The following EXOC8 variants were observed in gnomAD, a reference collection of about 807,000 sequenced individuals.
The protein encoded by EXOC8 is exocyst complex 84 kDa subunit.
EXOC8 carries 19 observed loss-of-function variants against 50.8 expected under a neutral mutation model. That is an observed-to-expected ratio of 0.37 (90% CI 0.26 to 0.55). EXOC8 has a LOEUF of 0.55. EXOC8 is among the 20% of genes least tolerant of loss of function. The pLI, the probability that EXOC8 is intolerant of heterozygous loss-of-function variation, is 0.80. For synonymous variants in EXOC8, 384 were observed against 367.9 expected, an observed-to-expected ratio of 1.04 and a Z score of -0.50; for missense variants, 781 against 915.8, an observed-to-expected ratio of 0.85 and a Z score of 1.90.
In EXOC8 at chr1:231,336,296, CGCTGTCAGTGCCTGCA is replaced by C; in HGVS notation, c.1434_1449del (p.Phe478LeufsTer40). 6.2e-7 allele frequency: 1 copy of C among 1,614,072 alleles called. No individual in the cohort carries two copies. Among genetic ancestry groups the C allele is most frequent in the Non-Finnish European group, 8.5e-7 (1 of 1,180,010 alleles). The stretch of plus-strand genomic sequence containing the variant: ...CAGACCACAAAGGCAGAGTAGCAGC[CGCTGTCAGTGCCTGCA>C]AAATCGATCTCAAATTCTCTTGCAG... On this transcript the variant is annotated frameshift_variant, in exon 1 of 1. Coordinates refer to ENST00000366645, the MANE Select transcript of EXOC8 (RefSeq NM_175876.5). LOFTEE classifies it high-confidence loss of function. The surrounding 1 kb of genome is among the most constrained non-coding windows in gnomAD (Gnocchi z 5.4).
In EXOC8 at chr1:231,337,820, C is replaced by A. The variant is rs1686722236; in HGVS notation, c.-75G>T. The A allele has an allele frequency of 1.3e-6, 2 of 1,506,634 alleles. No individual in the cohort carries two copies. The highest frequency in any genetic ancestry group is 2.7e-5 in the South Asian group (2 of 74,992). The allele number at this position is 1,506,634 out of a possible 1,614,324, so 93.3% of individuals were successfully genotyped here. A position where few individuals can be genotyped will look rare whatever the true frequency, so the allele number is the denominator to read the frequency against. On this transcript the variant is annotated 5_prime_UTR_variant, in exon 1 of 1. Coordinates refer to ENST00000366645, the MANE Select transcript of EXOC8 (RefSeq NM_175876.5). The surrounding 1 kb of genome is among the most constrained non-coding windows in gnomAD (Gnocchi z 5.9). ...CGCGGCTGTCTAGACCCACCCAAGG[C>A]CAACCGAGCTCCTGGGCTGAGGAAG... is the stretch of plus-strand genomic sequence containing the variant.
Position 231,337,036 on chromosome 1 carries a change from G to A in EXOC8, c.710C>T (p.Ala237Val), listed in dbSNP as rs754517833. 3 of 1,613,938 alleles carry A rather than the reference G, an allele frequency of 1.9e-6. No homozygotes were observed. Among genetic ancestry groups the A allele is most frequent in the Non-Finnish European group, 2.5e-6 (3 of 1,180,038 alleles). ...YNALYSLDGLAVVNVKDNPPM... is the reference protein window; with the variant it reads ...YNALYSLDGLVVVNVKDNPPM... ...CGGGTTGTCCTTGACATTGACTACG[G>A]CCAAACCATCTAGGGAATAGAGAGC... is the stretch of plus-strand genomic sequence containing the variant. Residue 237 changes from alanine to valine, a missense_variant, in exon 1 of 1, where the codon GCC becomes GTC. This residue lies in a region of EXOC8 where 700 missense variants were observed against 804.1 expected (regional missense o/e 0.87). Transcript: ENST00000366645. This position sits in a 1 kb window ranked among gnomAD's most constrained non-coding sequence, Gnocchi z 5.9.
Position 231,332,859 on chromosome 1 carries a change from CAT to C in EXOC8, c.*2707_*2708del, listed in dbSNP as rs1227313876. On this transcript the variant is annotated 3_prime_UTR_variant, in exon 1 of 1. Transcript: ENST00000366645. ...TGTACATAGACTGACTTTTATAGTA[CAT>C]GTCATGTCCCAAATTCCCAATCCTA... 2.0e-5 allele frequency: 3 copies of C among 152,214 alleles called. No individual in the cohort carries two copies. Among genetic ancestry groups the C allele is most frequent in the South Asian group, 2.1e-4 (1 of 4,830 alleles). 9.4% of individuals were successfully genotyped at this position (152,214 alleles called of 1,614,324 possible). A position where few individuals can be genotyped will look rare whatever the true frequency, so the allele number is the denominator to read the frequency against.
Position 231,336,111 on chromosome 1 carries a change from G to GGCAT in EXOC8, c.1631_1634dup (p.Leu546CysfsTer20). ...CCCCTTGGATGTCTTTCACCAGAAG[G>GGCAT]GCATGGATGATGAAGGTGAGATCCA... On this transcript the variant is annotated frameshift_variant, in exon 1 of 1. Transcript: ENST00000366645. LOFTEE classifies it high-confidence loss of function. This position sits in a 1 kb window ranked among gnomAD's most constrained non-coding sequence, Gnocchi z 5.4. 6.2e-7 allele frequency: 1 copy of GGCAT among 1,614,160 alleles called. No individual in the cohort carries two copies. Among genetic ancestry groups the GGCAT allele is most frequent in the Non-Finnish European group, 8.5e-7 (1 of 1,180,038 alleles).
Position 231,337,231 on chromosome 1 carries a change from C to A in EXOC8, c.515G>T (p.Cys172Phe), listed in dbSNP as rs1309498075. The A allele has an allele frequency of 3.1e-6, 5 of 1,613,206 alleles. No individual in the cohort carries two copies. In the South Asian group the frequency reaches 5.5e-5, roughly 18 times the overall value. ...LTTLLEKVEGCRHLLETPGQY... is the reference protein window; with the variant it reads ...LTTLLEKVEGFRHLLETPGQY... ...TCCCGGCGTCTCCAGCAGATGCCTG[C>A]AGCCTTCCACCTTCTCAAGCAGGGT... The change falls in exon 1 of 1, where the codon TGC becomes TTC. Residue 172 changes from cysteine (C) to phenylalanine (F), a missense_variant. Physicochemically the swap from Cys to Phe is radical, Grantham distance 205. Coordinates refer to ENST00000366645, the MANE Select transcript of EXOC8 (RefSeq NM_175876.5). The surrounding 1 kb of genome is among the most constrained non-coding windows in gnomAD (Gnocchi z 5.9).
Position 231,336,172 on chromosome 1 carries a change from G to A in EXOC8, c.1574C>T (p.Ala525Val), listed in dbSNP as rs1686669109. 1 of 1,613,992 alleles carries A rather than the reference G, an allele frequency of 6.2e-7. No individual in the cohort carries two copies. Among genetic ancestry groups the A allele is most frequent in the Admixed American group, 1.7e-5 (1 of 59,998 alleles). ...LSTAAECVKVAKEHCQQLGDI... is the reference protein window; with the variant it reads ...LSTAAECVKVVKEHCQQLGDI... ...ACCCAGTTGCTGGCAATGCTCCTTAGCCACTTTTACACACTCAGCTGCTGT... is the reference window on the plus strand; with the variant it reads ...ACCCAGTTGCTGGCAATGCTCCTTAACCACTTTTACACACTCAGCTGCTGT... The change falls in exon 1 of 1, where the codon GCT becomes GTT. Residue 525 changes from alanine (A) to valine (V), a missense_variant. By Grantham distance (64) the Ala-to-Val change is moderately conservative. Around this residue, in one of 3 missense-constraint regions of EXOC8, gnomAD observed 700 missense variants for 804.1 expected, o/e 0.87. Transcript: ENST00000366645. This position sits in a 1 kb window ranked among gnomAD's most constrained non-coding sequence, Gnocchi z 5.4.
At position 231,335,318 on chromosome 1, in the gene EXOC8, C is replaced by T; in HGVS notation, c.*250G>A. On this transcript the variant is annotated 3_prime_UTR_variant, in exon 1 of 1. Transcript: ENST00000366645. ...ATAGTATATAGTGTGACCATAATTT[C>T]AGAAGAAGAGAATTAGCATAATTTA... 1 of 286,422 alleles carries T rather than the reference C, an allele frequency of 3.5e-6. No individual in the cohort carries two copies. The highest frequency in any genetic ancestry group is 6.3e-6 in the Non-Finnish European group (1 of 157,778). The allele number at this position is 286,422 out of a possible 1,614,324, so 17.7% of individuals were successfully genotyped here. A position where few individuals can be genotyped will look rare whatever the true frequency, so the allele number is the denominator to read the frequency against.
chr1:231,335,739 C>G lies in EXOC8; in HGVS notation c.2007G>C (p.Glu669Asp). 6.2e-7 allele frequency: 1 copy of G among 1,614,196 alleles called. No individual in the cohort carries two copies. Among genetic ancestry groups the G allele is most frequent in the Middle Eastern group, 1.6e-4 (1 of 6,062 alleles). ...DYSLRCEQDPEKKAFIRQNAS... is the reference protein window; with the variant it reads ...DYSLRCEQDPDKKAFIRQNAS... ...CATTCTGTCTGATAAAAGCTTTCTTCTCTGGATCCTGCTCACATCGAAGAC... is the reference window on the plus strand; with the variant it reads ...CATTCTGTCTGATAAAAGCTTTCTTGTCTGGATCCTGCTCACATCGAAGAC... The change falls in exon 1 of 1, where the codon GAG (glutamate) becomes GAC (aspartate). Residue 669 changes from glutamate (E) to aspartate (D), a missense_variant. Coordinates refer to ENST00000366645, the MANE Select transcript of EXOC8 (RefSeq NM_175876.5).
At position 231,337,301 on chromosome 1, in the gene EXOC8, C is replaced by T. The variant is rs751505718; in HGVS notation, c.445G>A (p.Asp149Asn). Residue 149 changes from aspartate (D) to asparagine (N), a missense_variant, in exon 1 of 1, where the codon GAC becomes AAC. Asp to Asn is a conservative substitution (Grantham distance 23, BLOSUM62 1). Transcript: ENST00000366645. This position sits in a 1 kb window ranked among gnomAD's most constrained non-coding sequence, Gnocchi z 5.9. ...CCTTCCTCGCCTGGACCGGAGCCGT[C>T]GCGGGAGGCACCCCCGGGGGTGGAG... is the stretch of plus-strand genomic sequence containing the variant. ...FFSTPGGASR[D>N]GSGPGEEGKQ... The T allele has an allele frequency of 4.4e-6, 7 of 1,603,982 alleles. No individual in the cohort carries two copies. Among genetic ancestry groups the T allele is most frequent in the Non-Finnish European group, 5.9e-6 (7 of 1,179,976 alleles).
chr1:231,336,847 C>T lies in EXOC8; in HGVS notation c.899G>A (p.Gly300Glu). The change falls in exon 1 of 1, where the codon GGG becomes GAG. Residue 300 changes from glycine (G) to glutamate (E), a missense_variant. Gly to Glu is a moderately conservative substitution (Grantham distance 98). Coordinates refer to ENST00000366645, the MANE Select transcript of EXOC8 (RefSeq NM_175876.5). The surrounding 1 kb of genome is among the most constrained non-coding windows in gnomAD (Gnocchi z 5.4). Reference sequence around the variant, plus strand: ...GGCCTTGGAAGTCACTTGGGGTGGCCCTCGAGGGGCCGCTGCCTCCTCCTG... The same window carrying T: ...GGCCTTGGAAGTCACTTGGGGTGGCTCTCGAGGGGCCGCTGCCTCCTCCTG... ...REQEEAAAPR[G>E]PPQVTSKATN... 2 of 1,614,056 alleles carry T rather than the reference C, an allele frequency of 1.2e-6. No homozygotes were observed. The highest frequency in any genetic ancestry group is 1.7e-6 in the Non-Finnish European group (2 of 1,180,022).
chr1:231,335,252 G>T lies in EXOC8; in HGVS notation c.*316C>A. The stretch of plus-strand genomic sequence containing the variant: ...GAGACCCTGTCTCAAAAAAAAAAAA[G>T]AAAAAAGAAAAGTTTTATCAAAGGA... On this transcript the variant is annotated 3_prime_UTR_variant, in exon 1 of 1. Coordinates refer to ENST00000366645, the MANE Select transcript of EXOC8 (RefSeq NM_175876.5). 1 of 162,592 alleles carries T rather than the reference G, an allele frequency of 6.2e-6. No individual in the cohort carries two copies. The highest frequency in any genetic ancestry group is 1.7e-4 in the East Asian group (1 of 5,888). 10.1% of individuals were successfully genotyped at this position (162,592 alleles called of 1,614,324 possible). A position where few individuals can be genotyped will look rare whatever the true frequency, so the allele number is the denominator to read the frequency against.
Position 231,336,887 on chromosome 1 carries a change from TCTCA to T in EXOC8, c.855_858del (p.Ser285ArgfsTer19). On this transcript the variant is annotated frameshift_variant, in exon 1 of 1. Coordinates refer to ENST00000366645, the MANE Select transcript of EXOC8 (RefSeq NM_175876.5). LOFTEE classifies it high-confidence loss of function. The surrounding 1 kb of genome is among the most constrained non-coding windows in gnomAD (Gnocchi z 5.4). ...GCCTCCTCCTGCTCCCTTCGCCTTT[TCTCA>T]CTGAGGGCCCTCTTGGTGTCCTCCA... 1 of 1,614,156 alleles carries T rather than the reference TCTCA, an allele frequency of 6.2e-7. No homozygotes were observed. Among genetic ancestry groups the T allele is most frequent in the Non-Finnish European group, 8.5e-7 (1 of 1,180,038 alleles).
In EXOC8 at chr1:231,337,323, G is replaced by A; in HGVS notation, c.423C>T (p.Ser141=). ...CGTCGCGGGAGGCACCCCCGGGGGT[G>A]GAGAAAAAGCCGGCCTGGCCTCGGA... is the stretch of plus-strand genomic sequence containing the variant. The part of the protein sequence containing the change: ...DHLRGQAGFF[S]TPGGASRDGS... Residue 141 remains serine (S), a synonymous_variant, in exon 1 of 1, where the codon TCC becomes TCT. Transcript: ENST00000366645. The surrounding 1 kb of genome is among the most constrained non-coding windows in gnomAD (Gnocchi z 5.9). 1 of 1,603,012 alleles carries A rather than the reference G, an allele frequency of 6.2e-7. No homozygotes were observed. The highest frequency in any genetic ancestry group is 8.5e-7 in the Non-Finnish European group (1 of 1,179,906).
chr1:231,335,955 C>T lies in EXOC8; in HGVS notation c.1791G>A (p.Gly597=), dbSNP rs1184113662. ...GKLKEEMKSC[G]VSNFEQYTGD... ...CTGTGTACTGCTCAAAGTTACTTACCCCACAACTTTTCATCTCTTCTTTGA... is the reference window on the plus strand; with the variant it reads ...CTGTGTACTGCTCAAAGTTACTTACTCCACAACTTTTCATCTCTTCTTTGA... Residue 597 remains glycine (G), a synonymous_variant, in exon 1 of 1, where the codon GGG becomes GGA. Coordinates refer to ENST00000366645, the MANE Select transcript of EXOC8 (RefSeq NM_175876.5). 6.2e-7 allele frequency: 1 copy of T among 1,614,034 alleles called. No individual in the cohort carries two copies. Among genetic ancestry groups the T allele is most frequent in the Non-Finnish European group, 8.5e-7 (1 of 1,180,044 alleles).
rs371315127 is a variant in EXOC8, at chr1:231,336,550, G to A, written c.1196C>T (p.Ser399Phe). The A allele has an allele frequency of 3.1e-6, 5 of 1,614,128 alleles. No individual in the cohort carries two copies. Among genetic ancestry groups the A allele is most frequent in the South Asian group, 1.1e-5 (1 of 91,080 alleles). The stretch of plus-strand genomic sequence containing the variant: ...ACCACCTCTCAGGGAACGATCTGGG[G>A]AGAGTTCGAAAACTAGCACCTCAGT... ...QLTEVLVFEL[S>F]PDRSLRGGPK... Residue 399 changes from serine (S) to phenylalanine (F), a missense_variant, in exon 1 of 1, where the codon TCC becomes TTC. This residue lies in a region of EXOC8 where 700 missense variants were observed against 804.1 expected (regional missense o/e 0.87). Coordinates refer to ENST00000366645, the MANE Select transcript of EXOC8 (RefSeq NM_175876.5). The surrounding 1 kb of genome is among the most constrained non-coding windows in gnomAD (Gnocchi z 5.4).
Position 231,336,237 on chromosome 1 carries a change from A to G in EXOC8, c.1509T>C (p.Ala503=). The G allele has an allele frequency of 1.9e-6, 3 of 1,614,098 alleles. No individual in the cohort carries two copies. Among genetic ancestry groups the G allele is most frequent in the Non-Finnish European group, 1.7e-6 (2 of 1,180,030 alleles). Residue 503 remains alanine, a synonymous_variant, in exon 1 of 1, where the codon GCT becomes GCC. Coordinates refer to ENST00000366645, the MANE Select transcript of EXOC8 (RefSeq NM_175876.5). This position sits in a 1 kb window ranked among gnomAD's most constrained non-coding sequence, Gnocchi z 5.4. Reference sequence around the variant, plus strand: ...TACTATCAAACACCTGCTTGCTAAAAGCATCCACGAACATGCCCATGGCTG... The same window carrying G: ...TACTATCAAACACCTGCTTGCTAAAGGCATCCACGAACATGCCCATGGCTG... ...ARSAMGMFVD[A]FSKQVFDSKE...
Position 231,334,476 on chromosome 1 carries a change from G to A in EXOC8, c.*1092C>T, listed in dbSNP as rs1424886815. ...GGACAGCTATATCTCATACTGAAGC[G>A]GTGGCAGCTAAAACCTGGCAACTGC... On this transcript the variant is annotated 3_prime_UTR_variant, in exon 1 of 1. Transcript: ENST00000366645. 3 of 152,148 alleles carry A rather than the reference G, an allele frequency of 2.0e-5. No homozygotes were observed. The highest frequency in any genetic ancestry group is 4.1e-4 in the South Asian group (2 of 4,834). The allele number at this position is 152,148 out of a possible 1,614,324, so 9.4% of individuals were successfully genotyped here.
Position 231,337,409 on chromosome 1 carries a change from C to T in EXOC8, c.337G>A (p.Gly113Arg), listed in dbSNP as rs752804754. The T allele has an allele frequency of 6.2e-7, 1 of 1,605,744 alleles. No homozygotes were observed. Among genetic ancestry groups the T allele is most frequent in the Admixed American group, 1.7e-5 (1 of 59,970 alleles). The change falls in exon 1 of 1, where the codon GGA becomes AGA. Residue 113 changes from glycine to arginine, a missense_variant. Gly to Arg is a moderately radical substitution (Grantham distance 125). Transcript: ENST00000366645. The surrounding 1 kb of genome is among the most constrained non-coding windows in gnomAD (Gnocchi z 5.9). ...TCCCCTCCAGAGGCGGCGGCGGCTC[C>T]GGCGGCAGCAGCGGCAGGCAGCAAC... Reference protein sequence around the residue: ...LTLLPAAAAAGAAAASGGEEG... With the variant: ...LTLLPAAAAARAAAASGGEEG...
rs1558357234 is a variant in EXOC8 at position 231,336,012 on chromosome 1, C to A, written c.1734G>T (p.Met578Ile). 1 of 1,614,204 alleles carries A rather than the reference C, an allele frequency of 6.2e-7. No individual in the cohort carries two copies. ...CCAGGGCTTCTGGCGTCATCAAGTT[C>A]ATCCTCCTCCACATCTCTTCAGAGT... is the stretch of plus-strand genomic sequence containing the variant. The part of the protein sequence containing the change: ...HRNSEEMWRR[M>I]NLMTPEALGK... The change falls in exon 1 of 1, where the codon ATG becomes ATT. Residue 578 changes from methionine to isoleucine, a missense_variant. Physicochemically the swap from Met to Ile is conservative, Grantham distance 10. Transcript: ENST00000366645. This position sits in a 1 kb window ranked among gnomAD's most constrained non-coding sequence, Gnocchi z 5.4.
Sources: gnomAD v4.1 joint callset for allele counts on GRCh38, gnomAD v4.1.1 for gene constraint, gnomAD v4.1.1 regional missense constraint, Gnocchi (gnomAD v3.1) non-coding constraint, MANE v1.5 for transcripts, NCBI Gene and HGNC (gene_info 2026-07-23, HGNC 2026-07-21) for gene names.